Variants in ARAP2 observed in about 807,000 individuals in gnomAD.
ARAP2 encodes arf-GAP with Rho-GAP domain, ANK repeat and PH domain-containing protein 2.
ARAP2 carries 148 observed loss-of-function variants against 194.5 expected under a neutral mutation model. The ratio of observed to expected loss-of-function variants is 0.76; its 90% CI spans 0.67 to 0.87. The LOEUF (loss-of-function observed/expected upper bound fraction) is 0.87. ARAP2 is among the 40% of genes least tolerant of loss of function. The pLI, the probability that ARAP2 is intolerant of heterozygous loss-of-function variation, is 0.00. For synonymous variants in ARAP2, 695 were observed against 683.5 expected, an observed-to-expected ratio of 1.02 and a Z score of -0.26; for missense variants, 2,128 against 1,989.7, an observed-to-expected ratio of 1.07 and a Z score of -1.32.
chr4:36,011,843 T>C (rs1714629041), intron 9 of ARAP2, among the ~76,000 whole-genome samples: 1 of 152,308 alleles, frequency 6.6e-6, no homozygotes, highest in African/African-American at 2.4e-5. Context: ...GCTATATTGC[T>C]GTCTTCACAG....
chr4:36,116,779 G>A (rs528183453), intron 25 of ARAP2, among the ~76,000 whole-genome samples: 9 of 151,790 alleles, frequency 5.9e-5, no homozygotes, highest in Non-Finnish European at 7.4e-5. Flanking sequence ...CTTGTCTAAC[G>A]TTAGGAAGCT....
At chr4:36,118,340 A>G (rs1171197888) in intron 24 of ARAP2, among the ~76,000 whole-genome samples, 1 of 151,024 alleles carries the variant, frequency 6.6e-6, no homozygotes, top group Non-Finnish European at 1.5e-5. Context: ...TCATAGAATG[A>G]AATAAAAAAG....
rs530074861 is a variant in ARAP2, at chr4:36,019,739, G to A, written n.608-453C>T. Reference sequence around the variant, plus strand: ...TATGAAGAACTGAATTATAGAGTGTGAAGGTAGGAGTGGTGAGAAATAGGT... The same window carrying A: ...TATGAAGAACTGAATTATAGAGTGTAAAGGTAGGAGTGGTGAGAAATAGGT... On this transcript the variant is annotated intron_variant and non_coding_transcript_variant, in intron 5 of 12. Transcript: ENST00000503225. Among the ~76,000 whole-genome samples the A allele has an allele frequency of 5.9e-5, 9 of 152,256 alleles. No homozygotes were observed. In the South Asian group the frequency reaches 1.9e-3, roughly 32 times the overall value.
chr4:36,086,959 T>G (rs1712037485), intron 28 of ARAP2, among the ~76,000 whole-genome samples: 1 of 152,132 alleles, frequency 6.6e-6, no homozygotes, highest in African/African-American at 2.4e-5. Context: ...CAATTTGTTT[T>G]TAATGAGCAT....
chr4:36,158,024 A>T (rs893135597), intron 15 of ARAP2, among the ~76,000 whole-genome samples: 17 of 152,162 alleles, frequency 1.1e-4, no homozygotes, highest in African/African-American at 3.6e-4. Flanking sequence ...TTGTTACAGT[A>T]AGGCAGACTG....
chr4:36,178,647 C>T (rs941178770), intron 8 of ARAP2, among the ~76,000 whole-genome samples: 3 of 152,120 alleles, frequency 2.0e-5, no homozygotes, highest in Admixed American at 6.5e-5. Context: ...CATAGGAATT[C>T]GATCTAGTCC....
At position 36,018,945 on chromosome 4, in the gene ARAP2, A is replaced by G. The variant is rs183247676; in HGVS notation, n.750+199T>C. On this transcript the variant is annotated intron_variant and non_coding_transcript_variant, in intron 6 of 12. Coordinates refer to the ARAP2 transcript ENST00000503225. ...TCAACATCCTAGGGAGGGCCAAGCT[A>G]AAGAAAAATGGCATATAGGCAGAGG... 1.6e-3 allele frequency among the ~76,000 whole-genome samples: 241 copies of G among 150,402 alleles called. 9 individuals are homozygous for G. Among genetic ancestry groups the G allele is most frequent in the Non-Finnish European group, 2.2e-3 (149 of 68,018 alleles).
chr4:36,068,473 CA>C (rs745372182), intron 32 of ARAP2, among the ~76,000 whole-genome samples, 195 bp from the exon 33 acceptor site: 3 of 152,232 alleles, frequency 2.0e-5, no homozygotes, highest in Non-Finnish European at 2.9e-5. Context: ...CAACTACAGA[CA>C]GTCCCTGGCT....
chr4:36,030,752 C>T (rs954207411), intron 5 of ARAP2, among the ~76,000 whole-genome samples: 2 of 146,358 alleles, frequency 1.4e-5, no homozygotes, highest in Non-Finnish European at 3.0e-5. Flanking sequence ...TCTTTACCTT[C>T]AATTCTTTCT....
At position 36,152,182 on chromosome 4, in the gene ARAP2, T is replaced by C. The variant is rs114753675; in HGVS notation, c.2753-1138A>G. ...AATTACCAAATGAAAAGTCCAATCA[T>C]AACTGGCAGAAGCAAATAGCATAAA... On this transcript the variant is annotated intron_variant, in intron 15 of 32. Transcript: ENST00000303965. Among the ~76,000 whole-genome samples the C allele has an allele frequency of 5.2e-3, 787 of 152,256 alleles. 10 individuals are homozygous for C. The highest frequency in any genetic ancestry group is 0.018 in the African/African-American group (751 of 41,558).
chr4:36,041,223 A>G (rs1004634096), intron 5 of ARAP2, among the ~76,000 whole-genome samples: 4 of 152,202 alleles, frequency 2.6e-5, no homozygotes, highest in South Asian at 2.1e-4. Flanking sequence ...GAAACTATCA[A>G]CAGAATGAAT....
rs1490686379 is a variant in ARAP2, at chr4:36,213,304, T to G, written c.980A>C (p.Asn327Thr). The G allele has an allele frequency of 3.1e-6, 5 of 1,606,214 alleles. No individual in the cohort carries two copies. Among genetic ancestry groups the G allele is most frequent in the Admixed American group, 1.7e-5 (1 of 59,910 alleles). Residue 327 changes from asparagine to threonine, a missense_variant, in exon 4 of 33, where the codon AAT becomes ACT. Transcript: ENST00000303965. ...SVAWQNSNEE[N>T]SSSIFPYGET... ...TCCATAAGGAAAGATGGAAGATGAA[T>G]TCTCCTCATTTGAATCTTTTAGGGG...
At position 36,123,807 on chromosome 4, in the gene ARAP2, T is replaced by C. The variant is rs73806479; in HGVS notation, c.3746+1055A>G. On this transcript the variant is annotated intron_variant, in intron 22 of 32. Coordinates refer to ENST00000303965, the MANE Select transcript of ARAP2 (RefSeq NM_015230.4). ...TCCACAACTTCCTGCCAGCCAACTATAACTCTGTCATCTTCTAGTACTCCT... is the reference window on the plus strand; with the variant it reads ...TCCACAACTTCCTGCCAGCCAACTACAACTCTGTCATCTTCTAGTACTCCT... Among the ~76,000 whole-genome samples the C allele has an allele frequency of 5.3e-3, 812 of 151,928 alleles. 11 individuals carry two copies. Among genetic ancestry groups the C allele is most frequent in the African/African-American group, 0.018 (764 of 41,526 alleles).
At chr4:36,029,326 A>G (rs1431699643) in intron 5 of ARAP2, among the ~76,000 whole-genome samples, 1 of 151,970 alleles carries the variant, frequency 6.6e-6, no homozygotes, top group Non-Finnish European at 1.5e-5. Context: ...ATCATCGTAC[A>G]TTTTGGCCTA....
chr4:36,082,111 CAA>C (rs1255381521), intron 30 of ARAP2, 138 bp downstream of exon 30: 1 of 760,380 alleles, frequency 1.3e-6, no homozygotes, highest in African/African-American at 1.8e-5. Context: ...TTCTTAGGCT[CAA>C]AGTCTTTACA....
chr4:36,010,256 GA>G (rs1185054516), intron 9 of ARAP2, among the ~76,000 whole-genome samples: 3 of 150,748 alleles, frequency 2.0e-5, no homozygotes. Flanking sequence ...AGCATTTTTA[GA>G]AAAAATATAA....
intron 2 of ARAP2, among the ~76,000 whole-genome samples, chr4:36,056,090 A>G (rs1723457714): frequency 6.6e-6 from 1 of 152,242 alleles, no homozygotes; most frequent in Non-Finnish European, 1.5e-5. Context: ...CATGGGATTA[A>G]TACAAATGTA....
intron 28 of ARAP2, among the ~76,000 whole-genome samples, chr4:36,087,802 A>T (rs1394806870): frequency 6.6e-6 from 1 of 152,140 alleles, no homozygotes; most frequent in Non-Finnish European, 1.5e-5. Flanking sequence ...ACACTAAGGT[A>T]ATACAAATGT....
At chr4:36,207,135 C>A (rs1745711897) in intron 6 of ARAP2, among the ~76,000 whole-genome samples, 1 of 152,224 alleles carries the variant, frequency 6.6e-6, no homozygotes, top group Admixed American at 6.5e-5. Flanking sequence ...AAACATTTCT[C>A]TTCTGAGATG....
Sources: allele counts gnomAD v4.1 joint callset (sites outside exome capture counted in the v4.1 genomes callset), GRCh38; gene constraint gnomAD v4.1.1; transcripts MANE v1.5; gene names NCBI Gene and HGNC (gene_info 2026-07-23, HGNC 2026-07-21).